The following LAMC2 variants were observed in gnomAD, a reference collection of about 807,000 sequenced individuals.
The protein encoded by LAMC2 is laminin subunit gamma-2.
A neutral mutation model predicts 140.2 loss-of-function variants in LAMC2; 97 were observed. The ratio of observed to expected loss-of-function variants is 0.69; its 90% CI spans 0.59 to 0.82. The LOEUF (loss-of-function observed/expected upper bound fraction) is 0.82. LAMC2 is among the 40% of genes least tolerant of loss of function. The pLI is 0.00. For missense variants in LAMC2, 1,402 were observed against 1,476.1 expected (o/e 0.95, Z 0.82); for synonymous variants, 513 against 540.2 (o/e 0.95, Z 0.70).
chr1:183,239,217 G>GTTC (rs1448464233), intron 19 of LAMC2, 147 bp from the exon 20 acceptor site: 7 of 798,878 alleles, frequency 8.8e-6, no homozygotes, highest in Non-Finnish European at 1.5e-5. Context: ...TTTTAAGAAA[G>GTTC]TTAATTCCAG....
At chr1:183,201,364 C>G (rs1658701160) in intron 1 of LAMC2, among the ~76,000 whole-genome samples, 1 of 152,024 alleles carries the variant, frequency 6.6e-6, no homozygotes, top group Admixed American at 6.5e-5. Context: ...TACCTGGGTT[C>G]CAACACACAA....
chr1:183,236,667 G>T, intron 17 of LAMC2, 63 bp downstream of exon 17: 1 of 1,571,198 alleles, frequency 6.4e-7, no homozygotes, highest in Non-Finnish European at 8.8e-7. Flanking sequence ...CTTTTCTGGG[G>T]GTGCCATAAT....
In LAMC2 at chr1:183,218,438, C is replaced by T. The variant is rs758221823; in HGVS notation, c.453C>T (p.Asp151=). The change falls in exon 4 of 23, where the codon GAC becomes GAT. Residue 151 remains aspartate (D), a synonymous_variant. Transcript: ENST00000264144. ...CDPAGIAGPC[D]AGRCVCKPAV... ...CAGCTGGCATCGCAGGGCCCTGTGACGCGGGCCGCTGTGTCTGCAAGCCAG... is the reference window on the plus strand; with the variant it reads ...CAGCTGGCATCGCAGGGCCCTGTGATGCGGGCCGCTGTGTCTGCAAGCCAG... 3.3e-5 allele frequency: 54 copies of T among 1,613,974 alleles called. 1 individual carries two copies. The highest frequency in any genetic ancestry group is 5.5e-5 in the South Asian group (5 of 91,088).
Position 183,243,856 on chromosome 1 carries a change from G to A in LAMC2, c.*456G>A. 1 of 235,246 alleles carries A rather than the reference G, an allele frequency of 4.3e-6. No homozygotes were observed. Among genetic ancestry groups the A allele is most frequent in the Non-Finnish European group, 8.5e-6 (1 of 118,002 alleles). 14.6% of individuals were successfully genotyped at this position (235,246 alleles called of 1,614,324 possible). On this transcript the variant is annotated 3_prime_UTR_variant, in exon 23 of 23. Transcript: ENST00000264144. The stretch of plus-strand genomic sequence containing the variant: ...GAACAGAGTGCAACCCAGTCACACT[G>A]TGGCCAGTAAAATACTATTGCCTCA...
At chr1:183,238,556 A>G (rs548458019) in intron 19 of LAMC2, 135 bp downstream of exon 19, 1 of 657,050 alleles carries the variant, frequency 1.5e-6, no homozygotes, top group Non-Finnish European at 2.7e-6. Flanking sequence ...ATATCTTTCT[A>G]AAGAAAATCT....
At chr1:183,186,606 T>G (rs1658161063) in intron 1 of LAMC2, among the ~76,000 whole-genome samples, 175 bp downstream of exon 1, 1 of 152,216 alleles carries the variant, frequency 6.6e-6, no homozygotes, top group Admixed American at 6.5e-5. Context: ...TAAATGAGAC[T>G]AATATATAAA....
At chr1:183,194,152 T>A (rs1206674309) in intron 1 of LAMC2, among the ~76,000 whole-genome samples, 1 of 151,904 alleles carries the variant, frequency 6.6e-6, no homozygotes, top group Non-Finnish European at 1.5e-5. Context: ...ACTCCTGATG[T>A]CACGTGATCT....
At chr1:183,204,717 T>C (rs1360933938) in intron 1 of LAMC2, among the ~76,000 whole-genome samples, 2 of 152,192 alleles carry the variant, frequency 1.3e-5, no homozygotes, top group Non-Finnish European at 2.9e-5. Context: ...AGGGATGTGA[T>C]AGAAAAAGAT....
At position 183,232,107 on chromosome 1, in the gene LAMC2, T is replaced by A. The variant is rs1659816374; in HGVS notation, c.1858-80T>A. On this transcript the variant is annotated intron_variant, in intron 12 of 22. Coordinates refer to ENST00000264144, the MANE Select transcript of LAMC2 (RefSeq NM_005562.3). ...AAGCATTTCTGGACTTTTAGTATTA[T>A]CCCCTGGGTACCTGGTATTGGATGA... is the stretch of plus-strand genomic sequence containing the variant. 14 of 1,541,962 alleles carry A rather than the reference T, an allele frequency of 9.1e-6. No individual in the cohort carries two copies. The Admixed American group carries it at 2.0e-4, about 22-fold the overall frequency.
chr1:183,203,793 C>T (rs1357225755), intron 1 of LAMC2, among the ~76,000 whole-genome samples: 1 of 152,054 alleles, frequency 6.6e-6, no homozygotes, highest in African/African-American at 2.4e-5. Flanking sequence ...ATACCCAAGG[C>T]CAATACATTC....
At chr1:183,201,538 T>C (rs1658707121) in intron 1 of LAMC2, among the ~76,000 whole-genome samples, 2 of 152,228 alleles carry the variant, frequency 1.3e-5, no homozygotes, top group African/African-American at 4.8e-5. Context: ...CATGCACTGA[T>C]TCCTGTTCAA....
At chr1:183,256,628 T>G in the LAMC2 span, among the ~76,000 whole-genome samples, 1 of 152,234 alleles carries the variant, frequency 6.6e-6, no homozygotes, top group East Asian at 1.9e-4. Context: ...TAAACCAGCC[T>G]TGTGTGCCAG....
intron 1 of LAMC2, 85 bp from the exon 2 acceptor site, chr1:183,207,796 A>C: frequency 8.6e-7 from 1 of 1,161,302 alleles, no homozygotes; most frequent in Non-Finnish European, 1.3e-6. Flanking sequence ...AATTTCTATC[A>C]ATAATAACAT....
chr1:183,188,875 A>G (rs1466011662), intron 1 of LAMC2, among the ~76,000 whole-genome samples: 1 of 152,206 alleles, frequency 6.6e-6, no homozygotes, highest in African/African-American at 2.4e-5. Flanking sequence ...CGTAGCCACC[A>G]ATATGCTTGT....
At chr1:183,208,487 T>C (rs1393304130) in intron 2 of LAMC2, among the ~76,000 whole-genome samples, 1 of 152,074 alleles carries the variant, frequency 6.6e-6, no homozygotes, top group Non-Finnish European at 1.5e-5. Context: ...TCTTGAAAAA[T>C]AAGGAATTAG....
chr1:183,213,641 A>C (rs1311541104), intron 2 of LAMC2, among the ~76,000 whole-genome samples: 3 of 151,656 alleles, frequency 2.0e-5, no homozygotes, highest in Non-Finnish European at 4.4e-5. Context: ...CTCTACTAAA[A>C]TACAAAAAAT....
At chr1:183,215,658 C>T in intron 3 of LAMC2, 70 bp downstream of exon 3, 3 of 1,572,018 alleles carry the variant, frequency 1.9e-6, no homozygotes, top group South Asian at 1.1e-5. Flanking sequence ...TTAGCAAACA[C>T]TTGTATTTAC....
At chr1:183,258,634 T>C in the LAMC2 span, among the ~76,000 whole-genome samples, 1,068 of 152,282 alleles carry the variant, frequency 7.0e-3, 13 homozygotes, top group African/African-American at 0.025. Flanking sequence ...AGGTTAGAAA[T>C]TACGGTTTAG....
chr1:183,232,393 A>C, intron 13 of LAMC2, 50 bp downstream of exon 13: 1 of 1,597,088 alleles, frequency 6.3e-7, no homozygotes, highest in Non-Finnish European at 8.6e-7. Flanking sequence ...ATAGTCCTAG[A>C]AGGAATGGCT....
Sources: gnomAD v4.1 joint callset for allele counts (sites outside exome capture counted in the v4.1 genomes callset) on GRCh38, gnomAD v4.1.1 for gene constraint, MANE v1.5 for transcripts, NCBI Gene and HGNC (gene_info 2026-07-23, HGNC 2026-07-21) for gene names.